The following PARP8 variants were observed in gnomAD, a reference collection of about 807,000 sequenced individuals.
PARP8 encodes poly(ADP-ribose) polymerase family member 8.
Under a neutral mutation model 124.1 loss-of-function variants are expected in PARP8, and 51 were observed. The ratio of observed to expected loss-of-function variants is 0.41; its 90% CI spans 0.33 to 0.52. PARP8 has a LOEUF of 0.52. Ranked by LOEUF, PARP8 falls within the 20% of genes least tolerant of loss-of-function variation. PARP8 has a pLI of 0.21. For synonymous variants in PARP8, 391 were observed against 361.5 expected, an observed-to-expected ratio of 1.08 and a Z score of -0.93; for missense variants, 860 against 1,018.9, an observed-to-expected ratio of 0.84 and a Z score of 2.12.
intron 6 of PARP8, among the ~76,000 whole-genome samples, chr5:50,762,475 A>T (rs1487019173): frequency 6.6e-6 from 1 of 152,168 alleles, no homozygotes; most frequent in African/African-American, 2.4e-5. Context: ...TGAGCAATTG[A>T]TTTTAGGGTG....
chr5:50,756,962 C>G (rs572982725), intron 3 of PARP8, among the ~76,000 whole-genome samples: 2 of 152,172 alleles, frequency 1.3e-5, no homozygotes, highest in Admixed American at 1.3e-4. Context: ...CTTGGCATAA[C>G]GTCTTCCATG....
intron 3 of PARP8, among the ~76,000 whole-genome samples, chr5:50,757,814 T>C (rs1324932635): frequency 6.6e-6 from 1 of 152,208 alleles, no homozygotes; most frequent in Non-Finnish European, 1.5e-5. Context: ...CTTGGTGTTT[T>C]AGTAAAATCT....
chr5:50,752,236 C>T (rs1209465189), intron 3 of PARP8, among the ~76,000 whole-genome samples: 2 of 151,920 alleles, frequency 1.3e-5, no homozygotes, highest in African/African-American at 4.8e-5. Context: ...GCAAATAACT[C>T]AATGTTGAGC....
intron 1 of PARP8, chr5:50,667,476 G>A: frequency 1.4e-6 from 1 of 699,684 alleles, no homozygotes; most frequent in Non-Finnish European, 2.6e-6. Context: ...TTCCAGCCCC[G>A]CGTAGTGCCC....
At chr5:50,674,778 C>G (rs1379060596) in intron 2 of PARP8, among the ~76,000 whole-genome samples, 4 of 152,166 alleles carry the variant, frequency 2.6e-5, no homozygotes, top group African/African-American at 9.7e-5. Flanking sequence ...ACATCTGTGT[C>G]AAGATCATGG....
chr5:50,724,226 G>A lies in PARP8; in HGVS notation c.147-25925G>A, dbSNP rs1218791711. ...TATATGCCTTTCCTTTCTGCTTTTG[G>A]AATGAACAAATAAATATAGCTCAGT... is the stretch of plus-strand genomic sequence containing the variant. On this transcript the variant is annotated intron_variant, in intron 2 of 25. Transcript: ENST00000281631. 2.6e-5 allele frequency among the ~76,000 whole-genome samples: 4 copies of A among 152,028 alleles called. No homozygotes were observed. The East Asian group carries it at 7.7e-4, about 29-fold the overall frequency.
At chr5:50,785,271 A>G (rs1455345596) in intron 9 of PARP8, among the ~76,000 whole-genome samples, 1 of 152,110 alleles carries the variant, frequency 6.6e-6, no homozygotes, top group Non-Finnish European at 1.5e-5. Context: ...AGTATGATTA[A>G]GTTTTGGTCT....
chr5:50,763,276 T>C (rs570312576), intron 7 of PARP8, 34 bp downstream of exon 7: 2 of 1,491,960 alleles, frequency 1.3e-6, no homozygotes, highest in Admixed American at 1.7e-5. Context: ...AAAATTAAAG[T>C]TTTATGGTAA....
At chr5:50,711,602 A>G (rs1754775942) in intron 2 of PARP8, among the ~76,000 whole-genome samples, 2 of 152,266 alleles carry the variant, frequency 1.3e-5, no homozygotes, top group African/African-American at 4.8e-5. Context: ...AAACAGAAAG[A>G]CAAAATGGGC....
chr5:50,737,616 T>C (rs924556632), intron 2 of PARP8, among the ~76,000 whole-genome samples: 1 of 152,214 alleles, frequency 6.6e-6, no homozygotes, highest in Admixed American at 6.5e-5. Flanking sequence ...CAATTGAATG[T>C]CCCTCACCAG....
At chr5:50,707,853 C>T (rs1195121276) in intron 2 of PARP8, among the ~76,000 whole-genome samples, 3 of 152,014 alleles carry the variant, frequency 2.0e-5, no homozygotes, top group Non-Finnish European at 2.9e-5. Flanking sequence ...GTGAGTTGCA[C>T]TTTATTGACA....
At chr5:50,746,955 G>A (rs1451774803) in intron 2 of PARP8, among the ~76,000 whole-genome samples, 1 of 152,062 alleles carries the variant, frequency 6.6e-6, no homozygotes, top group African/African-American at 2.4e-5. Flanking sequence ...TTGACCCCAG[G>A]AGTTTGAGGT....
chr5:50,777,659 T>C (rs1740178461), intron 7 of PARP8, among the ~76,000 whole-genome samples: 1 of 152,110 alleles, frequency 6.6e-6, no homozygotes, highest in African/African-American at 2.4e-5. Context: ...AAATTATGGG[T>C]GCATTATTGT....
intron 2 of PARP8, among the ~76,000 whole-genome samples, chr5:50,674,149 C>T (rs1750352345): frequency 6.6e-6 from 1 of 152,132 alleles, no homozygotes; most frequent in African/African-American, 2.4e-5. Flanking sequence ...CTTTCTGTTC[C>T]AATTTATCCT....
intron 2 of PARP8, among the ~76,000 whole-genome samples, chr5:50,735,794 A>G (rs1757409072): frequency 1.3e-5 from 2 of 152,040 alleles, no homozygotes; most frequent in Admixed American, 1.3e-4. Context: ...CAACTAAGAA[A>G]AGTTTTAAGT....
intron 7 of PARP8, among the ~76,000 whole-genome samples, chr5:50,771,128 T>C (rs1404655652): frequency 6.7e-6 from 1 of 150,356 alleles, no homozygotes; most frequent in Non-Finnish European, 1.5e-5. Flanking sequence ...CACACACACA[T>C]ATATATACAC....
At chr5:50,717,854 T>G (rs888438607) in intron 2 of PARP8, among the ~76,000 whole-genome samples, 44 of 151,856 alleles carry the variant, frequency 2.9e-4, no homozygotes, top group Admixed American at 6.6e-4. Context: ...AGTTCAGCTG[T>G]GACAGGGAGA....
At chr5:50,794,448 A>G in intron 11 of PARP8, 116 bp downstream of exon 11, 1 of 1,209,842 alleles carries the variant, frequency 8.3e-7, no homozygotes, top group Non-Finnish European at 1.1e-6. Flanking sequence ...TATAACCTCT[A>G]AGAAAAGACT....
intron 2 of PARP8, among the ~76,000 whole-genome samples, chr5:50,690,416 T>G (rs1285645039): frequency 6.6e-6 from 1 of 152,172 alleles, no homozygotes; most frequent in African/African-American, 2.4e-5. Context: ...AAATTCTCTT[T>G]TAAAGTTCTA....
Sources: allele counts gnomAD v4.1 joint callset (sites outside exome capture counted in the v4.1 genomes callset), GRCh38; gene constraint gnomAD v4.1.1; transcripts MANE v1.5; gene names NCBI Gene and HGNC (gene_info 2026-07-23, HGNC 2026-07-21).